The following MAPK10 variants were observed in gnomAD, a reference collection of about 807,000 sequenced individuals.
MAPK10 encodes JNK3 alpha protein kinase.
MAPK10 carries 25 observed loss-of-function variants against 59.3 expected under a neutral mutation model. The observed-to-expected ratio is 0.42, with a 90% CI of 0.31 to 0.59. MAPK10 has a LOEUF of 0.59. MAPK10 is among the 20% of genes least tolerant of loss of function. The pLI, the probability that MAPK10 is intolerant of heterozygous loss-of-function variation, is 0.15. For synonymous variants in MAPK10, 190 were observed against 200.5 expected (o/e 0.95, Z 0.44); for missense variants, 351 against 568.9 (o/e 0.62, Z 3.90).
intron 2 of MAPK10, chr4:86,322,122 A>T (rs2095908870): frequency 6.6e-6 from 1 of 152,182 alleles, no homozygotes; most frequent in African/African-American, 2.4e-5. Flanking sequence ...GATAACTAAA[A>T]TATAGCCCCA....
chr4:86,162,194 A>T (rs989045261), intron 3 of MAPK10, among the ~76,000 whole-genome samples: 1 of 151,864 alleles, frequency 6.6e-6, no homozygotes, highest in African/African-American at 2.4e-5. Context: ...CTACAGAATT[A>T]AAAAAGTGCT....
At chr4:86,121,650 A>G (rs2059270730) in intron 4 of MAPK10, among the ~76,000 whole-genome samples, 1 of 152,160 alleles carries the variant, frequency 6.6e-6, no homozygotes, top group Non-Finnish European at 1.5e-5. Flanking sequence ...ATTTTGATAT[A>G]TGTATACATT....
chr4:86,094,932 G>A (rs917477553), intron 9 of MAPK10, among the ~76,000 whole-genome samples: 6 of 151,772 alleles, frequency 4.0e-5, no homozygotes, highest in African/African-American at 1.5e-4. Context: ...AAATATGAAT[G>A]TGCATTATAA....
intron 1 of MAPK10, among the ~76,000 whole-genome samples, chr4:86,516,963 T>C (rs1756716854): frequency 6.6e-6 from 1 of 152,172 alleles, no homozygotes; most frequent in African/African-American, 2.4e-5. Flanking sequence ...ATAGAAGTGG[T>C]GAAAGTGAGC....
intron 11 of MAPK10, among the ~76,000 whole-genome samples, chr4:86,038,805 C>T (rs1005193664): frequency 2.0e-5 from 3 of 152,012 alleles, no homozygotes; most frequent in Non-Finnish European, 2.9e-5. Context: ...TACCAACAAT[C>T]GCCAAAATAA....
At chr4:86,114,609 C>T (rs1467780374) in intron 4 of MAPK10, among the ~76,000 whole-genome samples, 1 of 152,240 alleles carries the variant, frequency 6.6e-6, no homozygotes, top group African/African-American at 2.4e-5. Context: ...CAGAACACTC[C>T]TGTAGGAGGT....
chr4:86,320,642 G>A (rs1312090941), intron 2 of MAPK10, among the ~76,000 whole-genome samples: 1 of 152,146 alleles, frequency 6.6e-6, no homozygotes, highest in East Asian at 1.9e-4. Flanking sequence ...CTTTTGCTGT[G>A]CAGAAGCTCT....
At chr4:86,281,958 T>A (rs1490569563) in intron 2 of MAPK10, among the ~76,000 whole-genome samples, 2 of 152,188 alleles carry the variant, frequency 1.3e-5, no homozygotes, top group African/African-American at 4.8e-5. Flanking sequence ...TTAATAAGAC[T>A]TTTATATTAG....
In MAPK10 at chr4:86,012,810, G is replaced by A. The variant is rs1041148578; in HGVS notation, c.*4418C>T. On this transcript the variant is annotated 3_prime_UTR_variant, in exon 14 of 14. Transcript: ENST00000641462. ...TGGACGTACATGGTTTTGCCTTCCA[G>A]GGTTGATCTAGAACTGTAAGGGTGC... is the stretch of plus-strand genomic sequence containing the variant. 6.6e-6 allele frequency: 1 copy of A among 152,208 alleles called. No homozygotes were observed. Among genetic ancestry groups the A allele is most frequent in the Non-Finnish European group, 1.5e-5 (1 of 68,050 alleles). 9.4% of individuals were successfully genotyped at this position (152,208 alleles called of 1,614,324 possible).
chr4:86,429,763 A>C (rs1288760457), intron 1 of MAPK10: 1 of 151,932 alleles, frequency 6.6e-6, no homozygotes, highest in Non-Finnish European at 1.5e-5. Flanking sequence ...TGATAATGCC[A>C]CTGCACTCCA....
chr4:86,359,683 C>T lies in MAPK10; in HGVS notation c.-147G>A. On this transcript the variant is annotated 5_prime_UTR_variant, in exon 1 of 14. Coordinates refer to ENST00000641462, the MANE Select transcript of MAPK10 (RefSeq NM_138982.4). The stretch of plus-strand genomic sequence containing the variant: ...CATTCCGTGCCTGAGAACTACGATC[C>T]TGATCCGGCAGTGTTTGCCCCAGAA... 1.0e-6 allele frequency: 1 copy of T among 985,846 alleles called. No individual in the cohort carries two copies. Among genetic ancestry groups the T allele is most frequent in the Non-Finnish European group, 1.2e-6 (1 of 829,964 alleles). The allele number at this position is 985,846 out of a possible 1,614,324, so 61.1% of individuals were successfully genotyped here.
upstream of MAPK10, chr4:86,453,378 G>A (rs78181471): frequency 0.056 from 8,560 of 152,656 alleles, 344 homozygotes; most frequent in African/African-American, 0.089. Flanking sequence ...CTTGCCCACT[G>A]CCTGGAGACA....
intron 2 of MAPK10, among the ~76,000 whole-genome samples, chr4:86,302,153 T>C (rs541789309): frequency 6.6e-6 from 1 of 152,232 alleles, no homozygotes; most frequent in Admixed American, 6.5e-5. Flanking sequence ...AAGCAGTTGA[T>C]TCAATGATGA....
intron 1 of MAPK10, among the ~76,000 whole-genome samples, chr4:86,562,052 T>C (rs1760718219): frequency 2.0e-5 from 3 of 152,220 alleles, no homozygotes. Context: ...ATAACTATCC[T>C]GTTCAAAAAG....
chr4:86,027,664 A>G (rs1470793371), intron 13 of MAPK10: 1 of 152,198 alleles, frequency 6.6e-6, no homozygotes, highest in Non-Finnish European at 1.5e-5. Context: ...GGAGAAATTG[A>G]GTGGCAATTT....
At chr4:86,305,562 T>C (rs1564187192) in intron 2 of MAPK10, among the ~76,000 whole-genome samples, 1 of 152,188 alleles carries the variant, frequency 6.6e-6, no homozygotes, top group Non-Finnish European at 1.5e-5. Context: ...TTTATGCCTG[T>C]AATCCCAGCA....
At chr4:86,380,369 T>C (rs1740509569) in intron 1 of MAPK10, among the ~76,000 whole-genome samples, 1 of 152,216 alleles carries the variant, frequency 6.6e-6, no homozygotes, top group Non-Finnish European at 1.5e-5. Context: ...AGCACTCCTC[T>C]GGAGATACAG....
Position 86,029,236 on chromosome 4 carries a change from T to C in MAPK10, c.1213A>G (p.Thr405Ala). ...YKEVMNSEEK[T>A]KNGVVKGQPS... ...TGTCCTTTTACTACACCATTTTTAG[T>C]CTTTTCTTCTGAATTCATTACTTCC... Residue 405 changes from threonine to alanine, a missense_variant, in exon 13 of 14, where the codon ACT becomes GCT. Thr to Ala is a moderately conservative substitution (Grantham distance 58). This residue lies in a region of MAPK10 where 155 missense variants were observed against 204.2 expected (regional missense o/e 0.76). Coordinates refer to ENST00000641462, the MANE Select transcript of MAPK10 (RefSeq NM_138982.4). The C allele has an allele frequency of 6.2e-7, 1 of 1,611,704 alleles. No individual in the cohort carries two copies. The highest frequency in any genetic ancestry group is 8.5e-7 in the Non-Finnish European group (1 of 1,178,184).
In MAPK10 at chr4:86,289,869, G is replaced by A. The variant is rs72865400; in HGVS notation, c.-7+64661C>T. ...GGGATGGAAGAGCAGAAAAGGGCTC[G>A]TGGAGCAATTCTAAGTTTTAGCTTG... On this transcript the variant is annotated intron_variant, in intron 2 of 13. Coordinates refer to ENST00000641462, the MANE Select transcript of MAPK10 (RefSeq NM_138982.4). Among the ~76,000 whole-genome samples the A allele has an allele frequency of 1.6e-3, 246 of 152,180 alleles. 1 individual carries two copies. Among genetic ancestry groups the A allele is most frequent in the Middle Eastern group, 0.01 (3 of 294 alleles).
Sources: allele counts gnomAD v4.1 joint callset (sites outside exome capture counted in the v4.1 genomes callset), GRCh38; gene constraint gnomAD v4.1.1; regional missense constraint gnomAD v4.1.1; transcripts MANE v1.5; gene names NCBI Gene and HGNC (gene_info 2026-07-23, HGNC 2026-07-21).